The following SUSD4 variants were observed in gnomAD, a reference collection of about 807,000 sequenced individuals.
The protein encoded by SUSD4 is sushi domain-containing protein 4.
A neutral mutation model predicts 50.5 loss-of-function variants in SUSD4; 41 were observed. The ratio of observed to expected loss-of-function variants is 0.81; its 90% CI spans 0.63 to 1.05. The LOEUF (loss-of-function observed/expected upper bound fraction) is 1.05. Among genes scored for constraint, SUSD4 ranks in the 50% least tolerant of loss-of-function variants. The pLI is 0.00. For synonymous variants in SUSD4, 257 were observed against 257.3 expected (o/e 1.00, Z 0.01); for missense variants, 580 against 634.7 (o/e 0.91, Z 0.93).
Position 223,229,321 on chromosome 1 carries a change from G to A in SUSD4, c.792C>T (p.Tyr264=). 3.1e-6 allele frequency: 5 copies of A among 1,611,708 alleles called. No homozygotes were observed. Among genetic ancestry groups the A allele is most frequent in the Non-Finnish European group, 4.2e-6 (5 of 1,178,112 alleles). The change falls in exon 6 of 9, where the codon TAC becomes TAT. Residue 264 remains tyrosine (Y), a synonymous_variant. Coordinates refer to ENST00000366878, the MANE Select transcript of SUSD4 (RefSeq NM_017982.4). The surrounding 1 kb of genome is among the most constrained non-coding windows in gnomAD (Gnocchi z 4.7). ...AAAACTCCACCACAGTTCCGTGGTT[G>A]TAGCGCTCACAAGGCCGCGGGTGGC... ...FVCHPRPCER[Y]NHGTVVEFYC...
At chr1:223,268,948 C>T (rs1662718365) in intron 3 of SUSD4, among the ~76,000 whole-genome samples, 1 of 152,092 alleles carries the variant, frequency 6.6e-6, no homozygotes, top group African/African-American at 2.4e-5. Context: ...CACTTCAAAC[C>T]GTACAGCTGA....
chr1:223,280,838 T>C (rs1663666576), intron 3 of SUSD4, among the ~76,000 whole-genome samples: 1 of 152,232 alleles, frequency 6.6e-6, no homozygotes, highest in South Asian at 2.1e-4. Flanking sequence ...TAGTTGGAAG[T>C]AAAGCACTCC....
chr1:223,278,316 A>G (rs2103107455), intron 3 of SUSD4, among the ~76,000 whole-genome samples: 1 of 152,264 alleles, frequency 6.6e-6, no homozygotes, highest in Non-Finnish European at 1.5e-5. Context: ...CTTTCCTAGC[A>G]AAGGGGAGGG....
chr1:223,267,691 A>C (rs1571926025), intron 4 of SUSD4, among the ~76,000 whole-genome samples: 1 of 152,104 alleles, frequency 6.6e-6, no homozygotes, highest in East Asian at 1.9e-4. Flanking sequence ...CACCCAAAGC[A>C]ATATCAGAGT....
intron 5 of SUSD4, among the ~76,000 whole-genome samples, chr1:223,261,562 C>T (rs1173444146): frequency 6.6e-6 from 1 of 152,188 alleles, no homozygotes; most frequent in Non-Finnish European, 1.5e-5. Context: ...TGAGCAGTAG[C>T]CTGACACCTA....
At position 223,227,512 on chromosome 1, in the gene SUSD4, C is replaced by T; in HGVS notation, c.1061+82G>A. 3 of 1,534,238 alleles carry T rather than the reference C, an allele frequency of 2.0e-6. No individual in the cohort carries two copies. The Admixed American group carries it at 5.6e-5, about 29-fold the overall frequency. ...TTCCCTTTAGAGCTTCAACTTTTCA[C>T]TCATCACTTTCTCCCTCTGCTGCTA... On this transcript the variant is annotated intron_variant, in intron 7 of 8. Coordinates refer to ENST00000366878, the MANE Select transcript of SUSD4 (RefSeq NM_017982.4). This position sits in a 1 kb window ranked among gnomAD's most constrained non-coding sequence, Gnocchi z 4.5.
At chr1:223,286,206 C>A (rs976440187) in intron 3 of SUSD4, among the ~76,000 whole-genome samples, 2 of 152,122 alleles carry the variant, frequency 1.3e-5, no homozygotes, top group Non-Finnish European at 2.9e-5. Context: ...AGCTCCTCCC[C>A]CTGGGTTCAT....
Sources: gnomAD v4.1 joint callset for allele counts (sites outside exome capture counted in the v4.1 genomes callset) on GRCh38, gnomAD v4.1.1 for gene constraint, Gnocchi (gnomAD v3.1) non-coding constraint, MANE v1.5 for transcripts, NCBI Gene and HGNC (gene_info 2026-07-23, HGNC 2026-07-21) for gene names.